The following NELFB variants were observed in gnomAD, a reference collection of about 807,000 sequenced individuals.
NELFB encodes negative elongation factor complex member B.
In NELFB, 34 loss-of-function variants were observed where a neutral mutation model predicts 60.2. The ratio of observed to expected loss-of-function variants is 0.56; its 90% CI spans 0.43 to 0.75. The LOEUF is 0.75. NELFB is among the 30% of genes least tolerant of loss of function. The pLI, the probability that NELFB is intolerant of heterozygous loss-of-function variation, is 0.00. For missense variants in NELFB, 770 were observed against 831.6 expected (o/e 0.93, Z 0.91); for synonymous variants, 459 against 382.1 (o/e 1.20, Z -2.35).
Position 137,263,054 on chromosome 9 carries a change from G to A in NELFB, c.759G>A (p.Thr253=), listed in dbSNP as rs148706307. 27 of 1,612,870 alleles carry A rather than the reference G, an allele frequency of 1.7e-5. No homozygotes were observed. The highest frequency in any genetic ancestry group is 1.6e-4 in the Middle Eastern group (1 of 6,078). The change falls in exon 5 of 13, where the codon ACG becomes ACA. Residue 253 remains threonine, a synonymous_variant. Transcript: ENST00000343053. ...TGCTGCAGGTGGTGCAGCGGCTGAC[G>A]CGGATGGTGGGGAAGAACGTGAAGC...
intron 10 of NELFB, among the ~76,000 whole-genome samples, chr9:137,268,143 C>T (rs1435225011): frequency 6.6e-6 from 1 of 152,022 alleles, no homozygotes; most frequent in African/African-American, 2.4e-5. Context: ...GCTGTGGGTC[C>T]CATGGGAGAT....
intron 11 of NELFB, 71 bp downstream of exon 11, chr9:137,272,293 CTG>C: frequency 6.3e-7 from 1 of 1,589,648 alleles, no homozygotes; most frequent in South Asian, 1.1e-5. Context: ...TGAGAGGTGG[CTG>C]CTGTCCCCAG....
chr9:137,255,336 A>T lies in NELFB; in HGVS notation c.-30A>T. 2.8e-6 allele frequency: 1 copy of T among 353,412 alleles called. No individual in the cohort carries two copies. The highest frequency in any genetic ancestry group is 4.8e-6 in the Non-Finnish European group (1 of 209,216). 21.9% of individuals were successfully genotyped at this position (353,412 alleles called of 1,614,324 possible). Reference sequence around the variant, plus strand: ...CGGGGCGGAAGTGGGCGGCTGCGGGACGCGCGCGGAGTCGCGCGGCGGGCG... The same window carrying T: ...CGGGGCGGAAGTGGGCGGCTGCGGGTCGCGCGCGGAGTCGCGCGGCGGGCG... On this transcript the variant is annotated 5_prime_UTR_variant, in exon 1 of 13. Coordinates refer to ENST00000343053, the MANE Select transcript of NELFB (RefSeq NM_015456.5).
chr9:137,267,095 T>TGTAGGGCCATGGTGCA lies in NELFB; in HGVS notation c.1382+11_1382+26dup. The TGTAGGGCCATGGTGCA allele has an allele frequency of 6.2e-7, 1 of 1,613,858 alleles. No individual in the cohort carries two copies. Among genetic ancestry groups the TGTAGGGCCATGGTGCA allele is most frequent in the Non-Finnish European group, 8.5e-7 (1 of 1,179,966 alleles). On this transcript the variant is annotated intron_variant, in intron 9 of 12. Transcript: ENST00000343053. ...CCCGAAAGCTTCACTAAGTACGGGC[T>TGTAGGGCCATGGTGCA]GTAGGGCCATGGTGCAGGGGTGGCC... is the stretch of plus-strand genomic sequence containing the variant.
At chr9:137,272,260 C>T (rs751574813) in intron 11 of NELFB, 38 bp downstream of exon 11, 2 of 1,608,550 alleles carry the variant, frequency 1.2e-6, no homozygotes, top group African/African-American at 2.7e-5. Flanking sequence ...GCTCTGTCCT[C>T]TCAGCTCTTG....
chr9:137,257,002 C>G lies in NELFB; in HGVS notation c.689C>G (p.Ser230Cys), dbSNP rs749431144. ...AGCGCTCTCTTCAGTACAGAGCTCT[C>G]TGTCCTGCACAACTTTTTCAGTCCT... The change falls in exon 4 of 13, where the codon TCT becomes TGT. Residue 230 changes from serine (S) to cysteine (C), a missense_variant. Transcript: ENST00000343053. The G allele has an allele frequency of 1.2e-6, 2 of 1,613,900 alleles. No individual in the cohort carries two copies. Among genetic ancestry groups the G allele is most frequent in the Non-Finnish European group, 1.7e-6 (2 of 1,179,934 alleles).
chr9:137,258,751 G>A (rs1045665684), intron 4 of NELFB, among the ~76,000 whole-genome samples: 17 of 152,034 alleles, frequency 1.1e-4, no homozygotes, highest in Admixed American at 2.0e-4. Context: ...CACTGCGCCC[G>A]GCCCTAACCA....
rs1487189854 is a variant in NELFB at position 137,267,230 on chromosome 9, C to T, written c.1383-10C>T. On this transcript the variant is annotated splice_polypyrimidine_tract_variant and intron_variant, in intron 9 of 12. Coordinates refer to ENST00000343053, the MANE Select transcript of NELFB (RefSeq NM_015456.5). ...GGGCTGAGGTGGGGCTGATGGCGCC[C>T]CGGGCGCAGGTTTCTGCAGGAGCAG... 11 of 1,610,046 alleles carry T rather than the reference C, an allele frequency of 6.8e-6. No individual in the cohort carries two copies. The African/African-American group carries it at 1.1e-4, about 16-fold the overall frequency.
intron 8 of NELFB, 107 bp downstream of exon 8, chr9:137,266,533 C>T: frequency 2.1e-6 from 2 of 937,654 alleles, no homozygotes. Flanking sequence ...CCCCTTTGGT[C>T]CCAAAGCTTC....
intron 10 of NELFB, among the ~76,000 whole-genome samples, chr9:137,268,784 C>G (rs943263792): frequency 6.6e-6 from 1 of 151,746 alleles, no homozygotes; most frequent in African/African-American, 2.4e-5. Flanking sequence ...AGATGAGAGA[C>G]AAAGATGAGA....
rs760724351 is a variant in NELFB, at chr9:137,266,973, G to A, written c.1269G>A (p.Pro423=). Residue 423 remains proline, a synonymous_variant, in exon 9 of 13, where the codon CCG becomes CCA. Coordinates refer to ENST00000343053, the MANE Select transcript of NELFB (RefSeq NM_015456.5). ...TAGAGCTCATCACCAGGTTCCTCCC[G>A]ATGCTCATGTCCTTCCTGGTGGATG... 32 of 1,613,754 alleles carry A rather than the reference G, an allele frequency of 2.0e-5. No individual in the cohort carries two copies. Among genetic ancestry groups the A allele is most frequent in the Middle Eastern group, 1.7e-4 (1 of 6,030 alleles).
rs1373476114 is a variant in NELFB at position 137,266,934 on chromosome 9, C to T, written c.1240-10C>T. The T allele has an allele frequency of 4.3e-6, 7 of 1,612,576 alleles. No homozygotes were observed. The highest frequency in any genetic ancestry group is 1.3e-5 in the African/African-American group (1 of 74,884). ...GGCCCGCGCCCGCTCATGGCCTCCC[C>T]TCCTCGTAGGAGGTAGAGCTCATCA... On this transcript the variant is annotated splice_polypyrimidine_tract_variant and intron_variant, in intron 8 of 12. Coordinates refer to ENST00000343053, the MANE Select transcript of NELFB (RefSeq NM_015456.5).
intron 5 of NELFB, 50 bp from the exon 6 acceptor site, chr9:137,264,195 G>A: frequency 1.4e-6 from 2 of 1,425,674 alleles, no homozygotes; most frequent in Non-Finnish European, 1.9e-6. Context: ...CTGGGTCTCT[G>A]GTCATCCTGG....
At position 137,272,690 on chromosome 9, in the gene NELFB, G is replaced by T. The variant is rs544826401; in HGVS notation, c.1740+75G>T. The T allele has an allele frequency of 2.5e-5, 39 of 1,529,860 alleles. No individual in the cohort carries two copies. In the East Asian group the frequency reaches 8.1e-4, roughly 32 times the overall value. The allele number at this position is 1,529,860 out of a possible 1,614,324, so 94.8% of individuals were successfully genotyped here. A position where few individuals can be genotyped will look rare whatever the true frequency, so the allele number is the denominator to read the frequency against. On this transcript the variant is annotated intron_variant, in intron 12 of 12. Transcript: ENST00000343053. ...CGTGTGTGCTTGCCAAGCTGCCCTT[G>T]TGGTGCTTGTGTGTGGTCGGTGGGC...
Position 137,262,983 on chromosome 9 carries a change from G to A in NELFB, c.742-54G>A, listed in dbSNP as rs1488389595. ...CGCTGTCGCCGGGCGTGACGTCCCT[G>A]TGTCTGGCGGAGCCCAGGACGGTCT... On this transcript the variant is annotated intron_variant, in intron 4 of 12. Transcript: ENST00000343053. 7.6e-6 allele frequency: 12 copies of A among 1,581,152 alleles called. No individual in the cohort carries two copies. In the Admixed American group the frequency reaches 1.5e-4, roughly 20 times the overall value.
intron 4 of NELFB, among the ~76,000 whole-genome samples, chr9:137,259,600 C>T (rs906734486): frequency 2.0e-5 from 3 of 152,322 alleles, no homozygotes; most frequent in African/African-American, 7.2e-5. Flanking sequence ...TAAGGGAAAT[C>T]AGTCGGCTTG....
At chr9:137,255,657 C>T (rs1216540107) in intron 1 of NELFB, 46 bp downstream of exon 1, 10 of 1,515,148 alleles carry the variant, frequency 6.6e-6, no homozygotes, top group Non-Finnish European at 8.0e-6. Context: ...GAGGGCCGGG[C>T]CGCCTGCTCG....
intron 4 of NELFB, among the ~76,000 whole-genome samples, chr9:137,261,052 A>C (rs1200021051): frequency 7.2e-6 from 1 of 138,752 alleles, no homozygotes; most frequent in Non-Finnish European, 1.6e-5. Context: ...ACTCAGTCGC[A>C]AAAAAAAAAG....
At position 137,269,926 on chromosome 9, in the gene NELFB, G is replaced by A. The variant is rs998725259; in HGVS notation, c.1490-2155G>A. 6.6e-6 allele frequency among the ~76,000 whole-genome samples: 1 copy of A among 152,160 alleles called. No homozygotes were observed. ...CACGCGTGTTCTTAAGTTTTTAGCG[G>A]GTTCTAGTAAGAATGGATGTTGATT... On this transcript the variant is annotated intron_variant, in intron 10 of 12. Transcript: ENST00000343053. The surrounding 1 kb of genome is among the most constrained non-coding windows in gnomAD (Gnocchi z 5.3).
Sources: allele counts gnomAD v4.1 joint callset (sites outside exome capture counted in the v4.1 genomes callset), GRCh38; gene constraint gnomAD v4.1.1; non-coding constraint Gnocchi (gnomAD v3.1); transcripts MANE v1.5; gene names NCBI Gene and HGNC (gene_info 2026-07-23, HGNC 2026-07-21).